Variants in ITPR2 observed in about 807,000 individuals in gnomAD.
ITPR2 encodes inositol 1,4,5-trisphosphate-gated calcium channel ITPR2.
In ITPR2, 207 loss-of-function variants were observed where a neutral mutation model predicts 317.1. The observed-to-expected ratio is 0.65, with a 90% CI of 0.58 to 0.73. The LOEUF is 0.73. Ranked by LOEUF, ITPR2 falls within the 30% of genes least tolerant of loss-of-function variation. ITPR2 has a pLI of 0.00. For missense variants in ITPR2, 2,613 were observed against 3,284.0 expected (o/e 0.80, Z 4.99); for synonymous variants, 1,156 against 1,149.1 (o/e 1.01, Z -0.12).
intron 50 of ITPR2, among the ~76,000 whole-genome samples, chr12:26,418,848 C>T (rs1359351788): frequency 2.6e-5 from 4 of 152,052 alleles, no homozygotes; most frequent in Admixed American, 2.6e-4. Context: ...AAATAAAGAA[C>T]TCCACCACCT....
chr12:26,656,320 G>C lies in ITPR2; in HGVS notation c.2421C>G (p.Ile807Met). The change falls in exon 19 of 57, where the codon ATC (isoleucine) becomes ATG (methionine). Residue 807 changes from isoleucine (I) to methionine (M), a missense_variant. Ile to Met is a conservative substitution (Grantham distance 10). Transcript: ENST00000381340. Reference sequence around the variant, plus strand: ...ACTCATGAATTGTGATCTTTGTGGGGATTTCTGTCCAGAGCCTGGCATAGC... The same window carrying C: ...ACTCATGAATTGTGATCTTTGTGGGCATTTCTGTCCAGAGCCTGGCATAGC... ...PVRYARLWTE[I>M]PTKITIHEYD... 6.2e-7 allele frequency: 1 copy of C among 1,614,150 alleles called. No individual in the cohort carries two copies. Among genetic ancestry groups the C allele is most frequent in the Non-Finnish European group, 8.5e-7 (1 of 1,180,024 alleles).
At chr12:26,407,957 TG>T (rs1940409989) in intron 52 of ITPR2, among the ~76,000 whole-genome samples, 1 of 152,208 alleles carries the variant, frequency 6.6e-6, no homozygotes, top group South Asian at 2.1e-4. Flanking sequence ...ATGTTCCATG[TG>T]GCCAGAACAC....
chr12:26,791,441 A>G (rs1413031018), intron 1 of ITPR2, among the ~76,000 whole-genome samples: 1 of 152,026 alleles, frequency 6.6e-6, no homozygotes, highest in Admixed American at 6.5e-5. Flanking sequence ...CCAGCACAGG[A>G]GTTGAACTAG....
At chr12:26,599,674 C>T (rs1026702772) in intron 29 of ITPR2, among the ~76,000 whole-genome samples, 2 of 152,108 alleles carry the variant, frequency 1.3e-5, no homozygotes, top group African/African-American at 2.4e-5. Context: ...CAAACTCCAC[C>T]TCTGAGTTTT....
chr12:26,419,235 A>T, intron 49 of ITPR2, 22 bp from the exon 50 acceptor site: 1 of 1,609,614 alleles, frequency 6.2e-7, no homozygotes. Flanking sequence ...AAAGGGTTAC[A>T]GATTACTGTC....
At chr12:26,713,248 C>A (rs769047879) in intron 8 of ITPR2, among the ~76,000 whole-genome samples, 3 of 152,180 alleles carry the variant, frequency 2.0e-5, no homozygotes, top group Non-Finnish European at 4.4e-5. Context: ...CCCAGCCCTT[C>A]CAATCATGTT....
intron 52 of ITPR2, among the ~76,000 whole-genome samples, chr12:26,405,584 A>G (rs192512370): frequency 7.7e-4 from 117 of 152,354 alleles, no homozygotes; most frequent in Admixed American, 1.5e-3. Flanking sequence ...TTTAAAAAAT[A>G]TTGGCCATGC....
chr12:26,431,480 A>C (rs1327808014), intron 48 of ITPR2, among the ~76,000 whole-genome samples: 1 of 152,156 alleles, frequency 6.6e-6, no homozygotes, highest in African/African-American at 2.4e-5. Flanking sequence ...CCTTAAACAA[A>C]CAAACAGCCA....
At chr12:26,512,369 C>T (rs1238323131) in intron 37 of ITPR2, among the ~76,000 whole-genome samples, 1 of 152,156 alleles carries the variant, frequency 6.6e-6, no homozygotes, top group Admixed American at 6.5e-5. Context: ...CTCTGTTCAC[C>T]TGAGATAAAT....
intron 41 of ITPR2, 54 bp downstream of exon 41, chr12:26,486,050 T>C (rs555062018): frequency 6.3e-7 from 1 of 1,577,120 alleles, no homozygotes; most frequent in Non-Finnish European, 8.7e-7. Flanking sequence ...TTGAATTTAA[T>C]TACTGATAAA....
At chr12:26,474,343 T>C (rs993967988) in intron 45 of ITPR2, among the ~76,000 whole-genome samples, 2 of 152,176 alleles carry the variant, frequency 1.3e-5, no homozygotes, top group African/African-American at 2.4e-5. Flanking sequence ...ATAGACAAAA[T>C]CAAATTGGCA....
intron 11 of ITPR2, among the ~76,000 whole-genome samples, chr12:26,684,593 G>T (rs1948092782): frequency 6.6e-6 from 1 of 152,180 alleles, no homozygotes; most frequent in Non-Finnish European, 1.5e-5. Context: ...ATGTTGGCTT[G>T]AATACAATTA....
intron 39 of ITPR2, among the ~76,000 whole-genome samples, chr12:26,491,694 A>G (rs1056182491): frequency 6.6e-6 from 1 of 152,148 alleles, no homozygotes; most frequent in African/African-American, 2.4e-5. Flanking sequence ...GCAGAATCAC[A>G]GAAGTTGGTC....
In ITPR2 at chr12:26,487,267, T is replaced by C. The variant is rs1942693127; in HGVS notation, c.5371-16A>G. Reference sequence around the variant, plus strand: ...AGAAAGAATACTGCAAGAAAACATATTTTAAGACATCAATACCCAAGGGGA... The same window carrying C: ...AGAAAGAATACTGCAAGAAAACATACTTTAAGACATCAATACCCAAGGGGA... On this transcript the variant is annotated splice_polypyrimidine_tract_variant and intron_variant, in intron 39 of 56. Transcript: ENST00000381340. The C allele has an allele frequency of 6.4e-7, 1 of 1,568,068 alleles. No homozygotes were observed. The highest frequency in any genetic ancestry group is 8.6e-7 in the Non-Finnish European group (1 of 1,157,914).
intron 1 of ITPR2, among the ~76,000 whole-genome samples, chr12:26,803,123 T>C (rs190026789): frequency 1.3e-5 from 2 of 152,290 alleles, no homozygotes; most frequent in Admixed American, 6.5e-5. Context: ...ACACTGAACT[T>C]ATGTTTAACT....
chr12:26,624,249 A>T (rs1946565729), intron 24 of ITPR2, 50 bp downstream of exon 24: 1 of 1,192,578 alleles, frequency 8.4e-7, no homozygotes, highest in Admixed American at 1.9e-5. Context: ...TAGAATTCTA[A>T]GTAAAATGTT....
intron 5 of ITPR2, chr12:26,721,392 C>A: frequency 1.9e-6 from 1 of 533,540 alleles, no homozygotes; most frequent in Non-Finnish European, 3.5e-6. Context: ...ATTAGATTCA[C>A]GATAAAGACA....
rs1330088094 is a variant in ITPR2, at chr12:26,439,269, A to C, written c.6501T>G (p.Asn2167Lys). 1 of 1,611,670 alleles carries C rather than the reference A, an allele frequency of 6.2e-7. No individual in the cohort carries two copies. The highest frequency in any genetic ancestry group is 1.7e-5 in the Admixed American group (1 of 59,520). Residue 2167 changes from asparagine (N) to lysine (K), a missense_variant, in exon 47 of 57, where the codon AAT becomes AAG. Asn to Lys is a moderately conservative substitution (Grantham distance 94). This residue lies in a region of ITPR2 where 926 missense variants were observed against 1,072.8 expected (regional missense o/e 0.86). Coordinates refer to ENST00000381340, the MANE Select transcript of ITPR2 (RefSeq NM_002223.4). ...TMEQIVFPVP[N>K]ICEYLTRESK... ...ATTCTCGAGTGAGGTATTCACATAT[A>C]TTGGGGACAGGAAAAACTATTTGTT...
chr12:26,364,937 T>C (rs1205564410), intron 55 of ITPR2, among the ~76,000 whole-genome samples: 1 of 152,176 alleles, frequency 6.6e-6, no homozygotes, highest in Non-Finnish European at 1.5e-5. Flanking sequence ...TGAGAGACCA[T>C]CTGATGATCT....
Sources: allele counts gnomAD v4.1 joint callset (sites outside exome capture counted in the v4.1 genomes callset), GRCh38; gene constraint gnomAD v4.1.1; regional missense constraint gnomAD v4.1.1; transcripts MANE v1.5; gene names NCBI Gene and HGNC (gene_info 2026-07-23, HGNC 2026-07-21).